VAV2: variants seen among roughly 807,000 people sequenced by gnomAD.
VAV2 encodes guanine nucleotide exchange factor VAV2.
Under a neutral mutation model 132.5 loss-of-function variants are expected in VAV2, and 67 were observed. The ratio of observed to expected loss-of-function variants is 0.51; its 90% CI spans 0.42 to 0.62. The LOEUF (loss-of-function observed/expected upper bound fraction) is 0.62. Among genes scored for constraint, VAV2 ranks in the 20% least tolerant of loss-of-function variants. The pLI is 0.00. For missense variants in VAV2, 938 were observed against 1,153.6 expected (o/e 0.81, Z 2.71); for synonymous variants, 492 against 443.5 (o/e 1.11, Z -1.37).
Position 133,778,742 on chromosome 9 carries a change from T to TC in VAV2, c.1890+19dup, listed in dbSNP as rs1833902056. Reference sequence around the variant, plus strand: ...AGCTGGAGCCGGGGACCCTCGACCCTCCCGGGCCCCAGGACCCACCTCCCA... The same window carrying TC: ...AGCTGGAGCCGGGGACCCTCGACCCTCCCCGGGCCCCAGGACCCACCTCCCA... On this transcript the variant is annotated intron_variant, in intron 22 of 29. Coordinates refer to ENST00000371850, the MANE Select transcript of VAV2 (RefSeq NM_001134398.2). 2 of 1,610,554 alleles carry TC rather than the reference T, an allele frequency of 1.2e-6. No homozygotes were observed. The highest frequency in any genetic ancestry group is 1.7e-6 in the Non-Finnish European group (2 of 1,179,456).
chr9:133,853,358 C>T (rs557498158), intron 3 of VAV2, among the ~76,000 whole-genome samples: 1 of 152,238 alleles, frequency 6.6e-6, no homozygotes, highest in East Asian at 1.9e-4. Flanking sequence ...CAGAGCTGCC[C>T]CCAGGCTGAG....
intron 2 of VAV2, among the ~76,000 whole-genome samples, chr9:133,864,395 G>A (rs1177213780): frequency 6.6e-6 from 1 of 152,204 alleles, no homozygotes; most frequent in Non-Finnish European, 1.5e-5. Context: ...ACCAGGCCAC[G>A]CTTGGTGAGA....
intron 1 of VAV2, among the ~76,000 whole-genome samples, chr9:133,974,510 G>A (rs1394575307): frequency 1.3e-5 from 2 of 152,292 alleles, no homozygotes; most frequent in Admixed American, 6.5e-5. Flanking sequence ...CCTGCACCCT[G>A]TGTCAGGTGT....
intron 2 of VAV2, among the ~76,000 whole-genome samples, chr9:133,908,852 G>A (rs1839773186): frequency 6.6e-6 from 1 of 152,226 alleles, no homozygotes; most frequent in South Asian, 2.1e-4. Flanking sequence ...CTGCAGTTCT[G>A]AAAATGTGTG....
intron 1 of VAV2, among the ~76,000 whole-genome samples, chr9:133,956,477 TG>T (rs1841784768): frequency 1.3e-5 from 2 of 152,236 alleles, no homozygotes; most frequent in Admixed American, 6.5e-5. Flanking sequence ...TGTTTCGTTT[TG>T]TTTTTTTTCC....
chr9:133,946,908 G>A (rs1261384003), intron 1 of VAV2, among the ~76,000 whole-genome samples: 1 of 152,186 alleles, frequency 6.6e-6, no homozygotes, highest in African/African-American at 2.4e-5. Context: ...AGGAGCTGAC[G>A]CCGTTTGCTC....
Position 133,788,510 on chromosome 9 carries a change from G to C in VAV2, c.1275-24C>G. ...ACCTGGGCCAGGCAGCGCAGCGGGGGATCAGCACCCCAGCACTGTGTGCTC... is the reference window on the plus strand; with the variant it reads ...ACCTGGGCCAGGCAGCGCAGCGGGGCATCAGCACCCCAGCACTGTGTGCTC... On this transcript the variant is annotated intron_variant, in intron 14 of 29. Transcript: ENST00000371850. This position sits in a 1 kb window ranked among gnomAD's most constrained non-coding sequence, Gnocchi z 5.3. 2 of 1,599,478 alleles carry C rather than the reference G, an allele frequency of 1.3e-6. No individual in the cohort carries two copies. The highest frequency in any genetic ancestry group is 8.6e-7 in the Non-Finnish European group (1 of 1,168,594).
In VAV2 at chr9:133,769,571, G is replaced by A. The variant is rs953216554; in HGVS notation, c.2348-68C>T. On this transcript the variant is annotated intron_variant, in intron 27 of 29. Coordinates refer to ENST00000371850, the MANE Select transcript of VAV2 (RefSeq NM_001134398.2). The surrounding 1 kb of genome is among the most constrained non-coding windows in gnomAD (Gnocchi z 8.1). ...TCCACGCACAGTCACGGTGGGCACA[G>A]CTACAGGCCGGGGGGCATGGGGTGG... 9 of 1,500,212 alleles carry A rather than the reference G, an allele frequency of 6.0e-6. No individual in the cohort carries two copies. Among genetic ancestry groups the A allele is most frequent in the African/African-American group, 1.4e-5 (1 of 72,244 alleles). 92.9% of individuals were successfully genotyped at this position (1,500,212 alleles called of 1,614,324 possible). A position where few individuals can be genotyped will look rare whatever the true frequency, so the allele number is the denominator to read the frequency against.
chr9:133,773,642 G>GT (rs112796693), intron 25 of VAV2, among the ~76,000 whole-genome samples: 13,752 of 137,142 alleles, frequency 0.1, 1,322 homozygotes, highest in African/African-American at 0.26. Context: ...AAGCTTTCCT[G>GT]TTTTTTTTCT....
chr9:133,978,050 T>G (rs989054153), intron 1 of VAV2, among the ~76,000 whole-genome samples: 1 of 152,062 alleles, frequency 6.6e-6, no homozygotes, highest in African/African-American at 2.4e-5. Flanking sequence ...GAGACAAATG[T>G]GATGATCCCA....
At chr9:133,819,707 G>A (rs1311810348) in intron 4 of VAV2, among the ~76,000 whole-genome samples, 2 of 152,208 alleles carry the variant, frequency 1.3e-5, no homozygotes, top group Non-Finnish European at 2.9e-5. Flanking sequence ...CTGGCCACAC[G>A]GATGGCACTT....
At chr9:133,896,957 G>A (rs1271915783) in intron 2 of VAV2, among the ~76,000 whole-genome samples, 1 of 152,064 alleles carries the variant, frequency 6.6e-6, no homozygotes, top group Non-Finnish European at 1.5e-5. Context: ...AGCCCGGCGT[G>A]GTGGCGGGCG....
intron 1 of VAV2, among the ~76,000 whole-genome samples, chr9:133,960,964 G>A (rs1363067073): frequency 6.6e-6 from 1 of 152,236 alleles, no homozygotes; most frequent in Non-Finnish European, 1.5e-5. Flanking sequence ...CACAGAGGCA[G>A]GAGGGCGTGC....
intron 1 of VAV2, among the ~76,000 whole-genome samples, chr9:133,981,923 G>T (rs554802781): frequency 6.6e-6 from 1 of 152,254 alleles, no homozygotes; most frequent in Admixed American, 6.5e-5. Context: ...TTCCTGGCAC[G>T]AAGAGGGCCT....
At position 133,771,994 on chromosome 9, in the gene VAV2, G is replaced by A; in HGVS notation, c.2188C>T (p.His730Tyr). Residue 730 changes from histidine to tyrosine, a missense_variant, in exon 26 of 30, where the codon CAC becomes TAC. Transcript: ENST00000371850. ...IKVVEKDNWI[H>Y]ITEAKKFDSL... ...TCGAATTTCTTGGCCTCTGTGATGT[G>A]GATCCAGTTGTCCTTCTCCACCACC... 6 of 1,614,088 alleles carry A rather than the reference G, an allele frequency of 3.7e-6. No individual in the cohort carries two copies. Among genetic ancestry groups the A allele is most frequent in the Non-Finnish European group, 5.1e-6 (6 of 1,179,956 alleles).
At chr9:133,849,323 C>T (rs1425103132) in intron 3 of VAV2, among the ~76,000 whole-genome samples, 1 of 152,204 alleles carries the variant, frequency 6.6e-6, no homozygotes, top group African/African-American at 2.4e-5. Context: ...ACCTCCCCCA[C>T]CAGCTGCGGG....
chr9:133,846,105 C>T (rs1255871224), intron 3 of VAV2, among the ~76,000 whole-genome samples: 2 of 152,232 alleles, frequency 1.3e-5, no homozygotes, highest in Non-Finnish European at 2.9e-5. Flanking sequence ...GATAGCCCCA[C>T]AAGATGGGGT....
Position 133,812,158 on chromosome 9 carries a change from C to T in VAV2, c.508G>A (p.Asp170Asn), listed in dbSNP as rs773614765. Reference protein sequence around the residue: ...DCVPCEDGGDDIYEDIIKVEV... With the variant: ...DCVPCEDGGDNIYEDIIKVEV... ...ACCTTGATGATGTCCTCGTAGATGT[C>T]GTCCCCTCCATCCTCACACGGGACG... Residue 170 changes from aspartate (D) to asparagine (N), a missense_variant, in exon 5 of 30, where the codon GAC becomes AAC. Coordinates refer to ENST00000371850, the MANE Select transcript of VAV2 (RefSeq NM_001134398.2). 10 of 1,613,904 alleles carry T rather than the reference C, an allele frequency of 6.2e-6. No individual in the cohort carries two copies. Among genetic ancestry groups the T allele is most frequent in the Admixed American group, 1.7e-5 (1 of 60,010 alleles).
At chr9:133,952,410 T>A (rs1275880981) in intron 1 of VAV2, among the ~76,000 whole-genome samples, 2 of 152,130 alleles carry the variant, frequency 1.3e-5, no homozygotes, top group Non-Finnish European at 2.9e-5. Flanking sequence ...GAGAACAGCC[T>A]GGCCAACGTG....
Sources: gnomAD v4.1 joint callset for allele counts (sites outside exome capture counted in the v4.1 genomes callset) on GRCh38, gnomAD v4.1.1 for gene constraint, Gnocchi (gnomAD v3.1) non-coding constraint, MANE v1.5 for transcripts, NCBI Gene and HGNC (gene_info 2026-07-23, HGNC 2026-07-21) for gene names.